ZHX3: variants seen among roughly 807,000 people sequenced by gnomAD.
ZHX3 encodes zinc fingers and homeoboxes protein 3.
Under a neutral mutation model 64.5 loss-of-function variants are expected in ZHX3, and 20 were observed. The observed-to-expected ratio is 0.31, with a 90% CI of 0.22 to 0.45. ZHX3 has a LOEUF of 0.45. Ranked by LOEUF, ZHX3 falls within the 20% of genes least tolerant of loss-of-function variation. ZHX3 has a pLI of 1.00. For missense variants in ZHX3, 1,041 were observed against 1,195.8 expected (o/e 0.87, Z 1.91); for synonymous variants, 423 against 461.6 (o/e 0.92, Z 1.07).
chr20:41,237,123 G>C (rs1343321467), intron 2 of ZHX3, among the ~76,000 whole-genome samples: 2 of 152,206 alleles, frequency 1.3e-5, no homozygotes, highest in African/African-American at 2.4e-5. Context: ...ACAGGTGCTA[G>C]AGAGGATCTG....
At chr20:41,240,490 A>T (rs1282343772) in intron 2 of ZHX3, among the ~76,000 whole-genome samples, 1 of 152,226 alleles carries the variant, frequency 6.6e-6, no homozygotes, top group Admixed American at 6.5e-5. Flanking sequence ...TAATCACATC[A>T]GGGTAAATGA....
At chr20:41,199,414 G>A (rs1041054653) in intron 3 of ZHX3, among the ~76,000 whole-genome samples, 3 of 152,144 alleles carry the variant, frequency 2.0e-5, no homozygotes, top group African/African-American at 7.2e-5. Context: ...GAGGGCTGGA[G>A]CCAACTATTT....
intron 2 of ZHX3, among the ~76,000 whole-genome samples, chr20:41,227,550 T>A (rs1446898938): frequency 6.6e-6 from 1 of 152,084 alleles, no homozygotes; most frequent in Non-Finnish European, 1.5e-5. Context: ...TGGGGAAGAG[T>A]TAACTTCCGC....
At chr20:41,260,909 C>T (rs139066508) in intron 2 of ZHX3, among the ~76,000 whole-genome samples, 17 of 152,336 alleles carry the variant, frequency 1.1e-4, no homozygotes, top group African/African-American at 3.8e-4. Context: ...AGTCTGGTTC[C>T]GGGCCCATGC....
chr20:41,292,013 TAAAAAAAAAAAA>T lies in ZHX3; in HGVS notation c.-244-22942_-244-22931del, dbSNP rs61168786. 6.4e-4 allele frequency among the ~76,000 whole-genome samples: 61 copies of T among 94,712 alleles called. No homozygotes were observed. In the East Asian group the frequency reaches 0.011, roughly 17 times the overall value. The allele number at this position is 94,712 out of a possible 152,430, so 62.1% of individuals were successfully genotyped here. On this transcript the variant is annotated intron_variant, in intron 1 of 3. Coordinates refer to ENST00000683867, the MANE Select transcript of ZHX3 (RefSeq NM_001384317.1). ...GGGGAACACAGCAAGACCTCATCTT[TAAAAAAAAAAAA>T]AAAAAAAAAAAAGAGTTCTATAATT...
At chr20:41,276,491 T>C (rs963941279) in intron 1 of ZHX3, among the ~76,000 whole-genome samples, 5 of 152,188 alleles carry the variant, frequency 3.3e-5, no homozygotes, top group African/African-American at 1.2e-4. Context: ...TGTGATTTGA[T>C]CCAATGTGGT....
chr20:41,223,583 G>C (rs552825639), intron 2 of ZHX3, among the ~76,000 whole-genome samples: 1 of 152,152 alleles, frequency 6.6e-6, no homozygotes, highest in Admixed American at 6.5e-5. Flanking sequence ...AAAATTATAC[G>C]CTAGAAATAC....
At chr20:41,194,917 T>C (rs1202835745) in intron 3 of ZHX3, among the ~76,000 whole-genome samples, 1 of 152,152 alleles carries the variant, frequency 6.6e-6, no homozygotes, top group Admixed American at 6.6e-5. Flanking sequence ...CCCTCTTTCC[T>C]TTCTGATGTT....
chr20:41,197,294 T>A (rs1238465133), intron 3 of ZHX3: 1 of 145,978 alleles, frequency 6.9e-6, no homozygotes, highest in Non-Finnish European at 1.5e-5. Context: ...CATATATATT[T>A]TATATATAAT....
rs927691813 is a variant in ZHX3, at chr20:41,200,589, T to A, written c.2860+1468A>T. 1.3e-5 allele frequency among the ~76,000 whole-genome samples: 2 copies of A among 152,188 alleles called. No homozygotes were observed. Among genetic ancestry groups the A allele is most frequent in the Non-Finnish European group, 2.9e-5 (2 of 68,036 alleles). ...TTTTGTTGTTGCCGTATTGAAAACA[T>A]GGCTGGAGTTGGAGGAGGCTGTAAG... On this transcript the variant is annotated intron_variant, in intron 3 of 3. Coordinates refer to ENST00000683867, the MANE Select transcript of ZHX3 (RefSeq NM_001384317.1). The surrounding 1 kb of genome is among the most constrained non-coding windows in gnomAD (Gnocchi z 4.2).
intron 2 of ZHX3, among the ~76,000 whole-genome samples, chr20:41,205,570 G>T (rs1458970762): frequency 6.6e-6 from 1 of 151,780 alleles, no homozygotes; most frequent in Non-Finnish European, 1.5e-5. Flanking sequence ...GAAGGGGTGG[G>T]GTGGGCGGGG....
chr20:41,264,434 C>T (rs1280514646), intron 2 of ZHX3, among the ~76,000 whole-genome samples: 2 of 149,494 alleles, frequency 1.3e-5, no homozygotes, highest in Non-Finnish European at 3.0e-5. Flanking sequence ...TGGCACATGC[C>T]TGTAATCTCA....
chr20:41,244,090 T>A (rs368090078), intron 2 of ZHX3, among the ~76,000 whole-genome samples: 2 of 152,078 alleles, frequency 1.3e-5, no homozygotes, highest in South Asian at 2.1e-4. Flanking sequence ...TTTAGTAACA[T>A]CCCTGACTAG....
At chr20:41,296,141 T>G (rs994527830) in intron 1 of ZHX3, among the ~76,000 whole-genome samples, 1 of 151,390 alleles carries the variant, frequency 6.6e-6, no homozygotes, top group Non-Finnish European at 1.5e-5. Flanking sequence ...GAGTCTATTT[T>G]GCTTTTCACC....
chr20:41,295,185 G>A (rs2044445127), intron 1 of ZHX3, among the ~76,000 whole-genome samples: 1 of 152,120 alleles, frequency 6.6e-6, no homozygotes, highest in African/African-American at 2.4e-5. Flanking sequence ...AAAAGAGGGA[G>A]GGGTGGGGAA....
intron 2 of ZHX3, among the ~76,000 whole-genome samples, chr20:41,208,454 C>A (rs1568829214): frequency 6.6e-6 from 1 of 152,200 alleles, no homozygotes; most frequent in Non-Finnish European, 1.5e-5. Context: ...AAAATACTGG[C>A]AAATCGAATC....
intron 2 of ZHX3, among the ~76,000 whole-genome samples, chr20:41,234,458 T>C (rs1197325732): frequency 3.3e-5 from 5 of 152,138 alleles, no homozygotes; most frequent in African/African-American, 9.7e-5. Context: ...TGTTTTCCTA[T>C]CTCTCCATTT....
In ZHX3 at chr20:41,223,325, A is replaced by C. The variant is rs79019004; in HGVS notation, c.-150-18259T>G. ...CTGCCTCTAGGAAGGCAGCCTGCTG[A>C]TATACTTTGCACAATGGTAAGTCAT... On this transcript the variant is annotated intron_variant, in intron 2 of 3. Transcript: ENST00000683867. Among the ~76,000 whole-genome samples the C allele has an allele frequency of 1.7e-4, 26 of 152,350 alleles. No homozygotes were observed. The East Asian group carries it at 4.8e-3, about 28-fold the overall frequency.
chr20:41,301,668 A>G (rs1399319922), intron 1 of ZHX3, among the ~76,000 whole-genome samples: 2 of 151,880 alleles, frequency 1.3e-5, no homozygotes, highest in Non-Finnish European at 2.9e-5. Context: ...CCCTTCTCAG[A>G]GCTCCCTCCA....
Sources: allele counts gnomAD v4.1 joint callset (sites outside exome capture counted in the v4.1 genomes callset), GRCh38; gene constraint gnomAD v4.1.1; non-coding constraint Gnocchi (gnomAD v3.1); transcripts MANE v1.5; gene names NCBI Gene and HGNC (gene_info 2026-07-23, HGNC 2026-07-21).